The following WDR45B variants were observed in gnomAD, a reference collection of about 807,000 sequenced individuals.
WDR45B encodes WD repeat domain 45B.
WDR45B carries 20 observed loss-of-function variants against 44.6 expected under a neutral mutation model. The observed-to-expected ratio is 0.45, with a 90% CI of 0.32 to 0.65. The LOEUF (loss-of-function observed/expected upper bound fraction) is 0.65. WDR45B is among the 30% of genes least tolerant of loss of function. The pLI is 0.05. For synonymous variants in WDR45B, 169 were observed against 164.9 expected (o/e 1.02, Z -0.19); for missense variants, 323 against 430.2 (o/e 0.75, Z 2.20).
chr17:82,629,185 G>T (rs528868023), intron 3 of WDR45B, among the ~76,000 whole-genome samples: 3 of 152,228 alleles, frequency 2.0e-5, no homozygotes, highest in East Asian at 3.9e-4. Flanking sequence ...CATACAAATG[G>T]CTCCCTTGTT....
intron 7 of WDR45B, 91 bp from the exon 8 acceptor site, chr17:82,617,488 C>T (rs2045552762): frequency 1.6e-6 from 2 of 1,248,758 alleles, no homozygotes; most frequent in South Asian, 2.5e-5. Context: ...CTGTGGAACA[C>T]CTCAACATTC....
chr17:82,643,494 C>T (rs2045941698), intron 2 of WDR45B, among the ~76,000 whole-genome samples: 1 of 151,912 alleles, frequency 6.6e-6, no homozygotes, highest in African/African-American at 2.4e-5. Context: ...CAAGGTCGCA[C>T]AGCAACCTGG....
At position 82,622,959 on chromosome 17, in the gene WDR45B, A is replaced by G. The variant is rs150818343; in HGVS notation, c.428-1160T>C. Among the ~76,000 whole-genome samples, 391 of 152,354 alleles carry G rather than the reference A, an allele frequency of 2.6e-3. 3 individuals carry two copies. Among genetic ancestry groups the G allele is most frequent in the South Asian group, 0.015 (73 of 4,830 alleles). On this transcript the variant is annotated intron_variant, in intron 5 of 9. Transcript: ENST00000392325. ...AACCCAGGCGTGTGCCTCACTCTGA[A>G]TACAAAATGTACTTGAAATGGATCG...
chr17:82,614,840 T>C lies in WDR45B; in HGVS notation c.*1079A>G, dbSNP rs1049444430. 2.0e-5 allele frequency: 3 copies of C among 152,176 alleles called. No individual in the cohort carries two copies. The highest frequency in any genetic ancestry group is 7.2e-5 in the African/African-American group (3 of 41,440). The allele number at this position is 152,176 out of a possible 1,614,324, so 9.4% of individuals were successfully genotyped here. ...AACGGGAATTTAAGAAAATTAAATA[T>C]ATATCCCAAGTAGCTGACAATGTAG... On this transcript the variant is annotated 3_prime_UTR_variant, in exon 10 of 10. Coordinates refer to ENST00000392325, the MANE Select transcript of WDR45B (RefSeq NM_019613.4).
intron 9 of WDR45B, 152 bp from the exon 10 acceptor site, chr17:82,616,177 C>T (rs113910957): frequency 3.8e-5 from 30 of 795,494 alleles, no homozygotes; most frequent in African/African-American, 1.5e-4. Flanking sequence ...TGAATGCGTT[C>T]GGTCGGCACC....
intron 4 of WDR45B, 46 bp from the exon 5 acceptor site, chr17:82,625,529 C>T (rs1475392228): frequency 1.3e-6 from 2 of 1,555,240 alleles, no homozygotes; most frequent in East Asian, 4.5e-5. Flanking sequence ...AAGAGTCAAA[C>T]CCAAACATTT....
intron 2 of WDR45B, among the ~76,000 whole-genome samples, chr17:82,631,858 G>A (rs2045772457): frequency 6.6e-6 from 1 of 151,872 alleles, no homozygotes; most frequent in Admixed American, 6.6e-5. Context: ...GCTGAGGCGG[G>A]CAGATGATGA....
intron 3 of WDR45B, 45 bp downstream of exon 3, chr17:82,630,876 G>A (rs553285665): frequency 8.4e-6 from 13 of 1,549,550 alleles, no homozygotes; most frequent in Non-Finnish European, 9.8e-6. Flanking sequence ...AAAAAGACTG[G>A]GTGGGACACG....
chr17:82,641,084 A>C (rs1471213644), intron 2 of WDR45B, among the ~76,000 whole-genome samples: 2 of 149,194 alleles, frequency 1.3e-5, no homozygotes, highest in Non-Finnish European at 3.0e-5. Context: ...TCGTGCCTCA[A>C]CCTCCCCAGT....
rs1338587643 is a variant in WDR45B, at chr17:82,621,597, T to C, written c.618+12A>G. The C allele has an allele frequency of 1.1e-5, 18 of 1,613,862 alleles. No homozygotes were observed. The highest frequency in any genetic ancestry group is 2.7e-5 in the African/African-American group (2 of 74,900). On this transcript the variant is annotated intron_variant, in intron 6 of 9. Transcript: ENST00000392325. ...GGAGGCACAACACCAACAAGGTGAG[T>C]GGCACACTTACTTTCTCGGATGCAG...
chr17:82,629,337 C>T (rs140649346), intron 3 of WDR45B, among the ~76,000 whole-genome samples: 2 of 152,208 alleles, frequency 1.3e-5, no homozygotes, highest in African/African-American at 4.8e-5. Flanking sequence ...AATTCACCAG[C>T]AGGATTTCTG....
intron 2 of WDR45B, among the ~76,000 whole-genome samples, chr17:82,634,920 G>A (rs2045814304): frequency 6.6e-6 from 1 of 151,870 alleles, no homozygotes; most frequent in Non-Finnish European, 1.5e-5. Context: ...ACTACACTAA[G>A]TGAAATAAGC....
intron 2 of WDR45B, 125 bp downstream of exon 2, chr17:82,643,824 G>C (rs1255113717): frequency 2.2e-6 from 2 of 895,146 alleles, no homozygotes; most frequent in Non-Finnish European, 3.6e-6. Context: ...AAGTTTATGA[G>C]GGGCCATGAA....
In WDR45B at chr17:82,615,221, A is replaced by G. The variant is rs902232259; in HGVS notation, c.*698T>C. 1 of 153,730 alleles carries G rather than the reference A, an allele frequency of 6.5e-6. No homozygotes were observed. Among genetic ancestry groups the G allele is most frequent in the African/African-American group, 2.4e-5 (1 of 41,414 alleles). 9.5% of individuals were successfully genotyped at this position (153,730 alleles called of 1,614,324 possible). A position where few individuals can be genotyped will look rare whatever the true frequency, so the allele number is the denominator to read the frequency against. ...CCTGAGGTGTGACGGCTCGGCTTCTAGAGTGGCCTGGTGTCTGCCTCATTC... is the reference window on the plus strand; with the variant it reads ...CCTGAGGTGTGACGGCTCGGCTTCTGGAGTGGCCTGGTGTCTGCCTCATTC... On this transcript the variant is annotated 3_prime_UTR_variant, in exon 10 of 10. Transcript: ENST00000392325.
chr17:82,620,542 T>A (rs1359975337), intron 6 of WDR45B, among the ~76,000 whole-genome samples: 3 of 152,214 alleles, frequency 2.0e-5, no homozygotes, highest in Admixed American at 6.5e-5. Flanking sequence ...CCCCACGTGC[T>A]GAGGAGTGAC....
chr17:82,626,290 C>A (rs931639205), intron 4 of WDR45B, among the ~76,000 whole-genome samples: 1 of 151,472 alleles, frequency 6.6e-6, no homozygotes, highest in Non-Finnish European at 1.5e-5. Flanking sequence ...GTAATCCCAG[C>A]ACTTTGGGAG....
chr17:82,642,450 G>C (rs1598280055), intron 2 of WDR45B, among the ~76,000 whole-genome samples: 1 of 152,328 alleles, frequency 6.6e-6, no homozygotes, highest in East Asian at 1.9e-4. Context: ...GTGCCGAAAA[G>C]GCTGCAGACC....
chr17:82,638,174 T>A, intron 2 of WDR45B, among the ~76,000 whole-genome samples: 1 of 111,982 alleles, frequency 8.9e-6, no homozygotes, highest in Non-Finnish European at 1.8e-5. Context: ...AGAGATTCTG[T>A]CAAAGAAGAG....
At chr17:82,639,535 A>G (rs1309949383) in intron 2 of WDR45B, among the ~76,000 whole-genome samples, 1 of 151,072 alleles carries the variant, frequency 6.6e-6, no homozygotes, top group African/African-American at 2.4e-5. Flanking sequence ...CGCAGGAACC[A>G]CCTGCTACCT....
Sources: gnomAD v4.1 joint callset for allele counts (sites outside exome capture counted in the v4.1 genomes callset) on GRCh38, gnomAD v4.1.1 for gene constraint, MANE v1.5 for transcripts, NCBI Gene and HGNC (gene_info 2026-07-23, HGNC 2026-07-21) for gene names.